The following RPTOR variants were observed in gnomAD, a reference collection of about 807,000 sequenced individuals.
RPTOR encodes regulatory associated protein of MTOR complex 1, also known as regulatory-associated protein of mTOR.
In RPTOR, 21 loss-of-function variants were observed where a neutral mutation model predicts 169.9. The ratio of observed to expected loss-of-function variants is 0.12; its 90% CI spans 0.09 to 0.18. The LOEUF is 0.18. RPTOR is among the 10% of genes least tolerant of loss of function. The probability of loss-of-function intolerance (pLI) is 1.00; values close to 1 mark genes in which losing one functional copy is unlikely to be tolerated. For missense variants in RPTOR, 1,133 were observed against 1,855.9 expected (o/e 0.61, Z 7.16); for synonymous variants, 732 against 753.2 (o/e 0.97, Z 0.46).
At chr17:80,917,155 C>A (rs11651049) in intron 21 of RPTOR, among the ~76,000 whole-genome samples, 48,431 of 150,050 alleles carry the variant, frequency 0.32, 7,989 homozygotes, top group East Asian at 0.45. Context: ...CTATGTCGCC[C>A]AGGCTGGAGT....
At chr17:80,665,427 C>T (rs1455613605) in intron 3 of RPTOR, among the ~76,000 whole-genome samples, 6 of 13,246 alleles carry the variant, frequency 4.5e-4, no homozygotes, top group Admixed American at 1.3e-3. Flanking sequence ...CCTTTCCTTT[C>T]CTTTCCTTTC....
At position 80,957,047 on chromosome 17, in the gene RPTOR, C is replaced by A. The variant is rs1003460028; in HGVS notation, c.3371-577C>A. 7.9e-5 allele frequency among the ~76,000 whole-genome samples: 12 copies of A among 152,260 alleles called. No homozygotes were observed. Among genetic ancestry groups the A allele is most frequent in the African/African-American group, 2.9e-4 (12 of 41,472 alleles). On this transcript the variant is annotated intron_variant, in intron 28 of 33. Transcript: ENST00000306801. This position sits in a 1 kb window ranked among gnomAD's most constrained non-coding sequence, Gnocchi z 4.6. ...TTCCAGCTCAGAATTGTCGCCCCAG[C>A]CTGGACTTGGGAGTTCCAGCTCAGA...
intron 6 of RPTOR, chr17:80,774,459 A>G (rs1369073442): frequency 1.5e-6 from 1 of 668,344 alleles, no homozygotes; most frequent in Non-Finnish European, 1.9e-6. Flanking sequence ...TCACTGTGTT[A>G]CTGATGAGGT....
rs577825093 is a variant in RPTOR at position 80,633,128 on chromosome 17, A to G, written c.265+7335A>G. The stretch of plus-strand genomic sequence containing the variant: ...TTCATTTTGAAAAAAAAGTTCCAAA[A>G]GTTGCAAGTATAGTACTAAGCTGTT... On this transcript the variant is annotated intron_variant, in intron 2 of 33. Transcript: ENST00000306801. The surrounding 1 kb of genome is among the most constrained non-coding windows in gnomAD (Gnocchi z 4.1). 1.8e-4 allele frequency among the ~76,000 whole-genome samples: 27 copies of G among 152,314 alleles called. No individual in the cohort carries two copies. Among genetic ancestry groups the G allele is most frequent in the Admixed American group, 4.6e-4 (7 of 15,306 alleles).
chr17:80,843,692 A>T (rs2067695725), intron 10 of RPTOR, among the ~76,000 whole-genome samples: 1 of 152,104 alleles, frequency 6.6e-6, no homozygotes, highest in South Asian at 2.1e-4. Flanking sequence ...TAAGTGGCAA[A>T]TGTATTGTGC....
At chr17:80,955,083 A>C (rs1345502782) in intron 28 of RPTOR, among the ~76,000 whole-genome samples, 1 of 152,250 alleles carries the variant, frequency 6.6e-6, no homozygotes, top group African/African-American at 2.4e-5. Context: ...ATAGCCATGG[A>C]TGAAAAGACT....
At chr17:80,838,665 C>T (rs562666661) in intron 10 of RPTOR, among the ~76,000 whole-genome samples, 6 of 152,316 alleles carry the variant, frequency 3.9e-5, no homozygotes, top group South Asian at 2.1e-4. Flanking sequence ...AGGGAGCAAT[C>T]GGCAAGAGGG....
rs1471453502 is a variant in RPTOR, at chr17:80,883,503, C to G, written c.1650+19C>G. 1 of 1,612,388 alleles carries G rather than the reference C, an allele frequency of 6.2e-7. No individual in the cohort carries two copies. The highest frequency in any genetic ancestry group is 1.7e-5 in the Admixed American group (1 of 60,026). ...GGGGCAGGTGAGCCCCCCAGCCACC[C>G]CCAGCCCCAGAGCTCACCCTTGGCA... On this transcript the variant is annotated intron_variant, in intron 15 of 33. Transcript: ENST00000306801.
At chr17:80,709,101 C>T (rs530839878) in intron 4 of RPTOR, 36 of 985,476 alleles carry the variant, frequency 3.7e-5, no homozygotes, top group Admixed American at 1.2e-4. Flanking sequence ...TAGCCAGCCT[C>T]GGAAGTTAGA....
chr17:80,846,133 C>A (rs888121161), intron 10 of RPTOR, among the ~76,000 whole-genome samples: 12 of 152,266 alleles, frequency 7.9e-5, no homozygotes, highest in African/African-American at 2.9e-4. Flanking sequence ...CCCCCGGCAT[C>A]TTCACTCCCT....
chr17:80,615,321 C>T (rs772519561), intron 1 of RPTOR, among the ~76,000 whole-genome samples: 13 of 152,036 alleles, frequency 8.6e-5, no homozygotes, highest in Admixed American at 5.2e-4. Context: ...ACGGGGGCCT[C>T]GAGTCTCAGG....
intron 1 of RPTOR, among the ~76,000 whole-genome samples, chr17:80,585,493 C>G (rs979541915): frequency 6.6e-6 from 1 of 150,570 alleles, no homozygotes. Context: ...CGTGAGCCAC[C>G]GCGGCTGGCC....
At chr17:80,594,080 CTTCTCTT>C (rs1295433325) in intron 1 of RPTOR, among the ~76,000 whole-genome samples, 3 of 151,530 alleles carry the variant, frequency 2.0e-5, no homozygotes, top group South Asian at 2.1e-4. Flanking sequence ...TTTCTCTTCT[CTTCTCTT>C]TTCTCTTTTC....
At chr17:80,796,545 G>A (rs988357935) in intron 7 of RPTOR, among the ~76,000 whole-genome samples, 81 of 152,256 alleles carry the variant, frequency 5.3e-4, no homozygotes, top group African/African-American at 1.8e-3. Context: ...TCACTATCAC[G>A]AGAACAGCCA....
rs139427073 is a variant in RPTOR, at chr17:80,692,992, C to T, written c.349-14849C>T. Among the ~76,000 whole-genome samples the T allele has an allele frequency of 4.2e-4, 64 of 152,316 alleles. 1 individual carries two copies. In the East Asian group the frequency reaches 0.012, roughly 29 times the overall value. On this transcript the variant is annotated intron_variant, in intron 3 of 33. Transcript: ENST00000306801. ...AACCTTGGGTACATTTATATACGCA[C>T]ACACGCACACAGTGTTTTCTCTTTA... is the stretch of plus-strand genomic sequence containing the variant.
intron 6 of RPTOR, among the ~76,000 whole-genome samples, chr17:80,764,332 G>A (rs1214716423): frequency 8.3e-6 from 1 of 120,356 alleles, no homozygotes; most frequent in Non-Finnish European, 1.6e-5. Context: ...CCCACAACAG[G>A]CCCAGAGTGT....
At chr17:80,926,095 G>A (rs2068808568) in intron 24 of RPTOR, among the ~76,000 whole-genome samples, 5 of 152,214 alleles carry the variant, frequency 3.3e-5, no homozygotes, top group Admixed American at 3.3e-4. Flanking sequence ...TGCATTCTGA[G>A]CAAACCTGCC....
At chr17:80,886,272 G>C (rs184793775) in intron 17 of RPTOR, among the ~76,000 whole-genome samples, 86 of 152,376 alleles carry the variant, frequency 5.6e-4, no homozygotes, top group African/African-American at 1.9e-3. Context: ...AGTGTGGAAA[G>C]TCACGTTCTA....
intron 3 of RPTOR, among the ~76,000 whole-genome samples, chr17:80,682,599 GA>G (rs1389278648): frequency 6.6e-6 from 1 of 152,260 alleles, no homozygotes; most frequent in Non-Finnish European, 1.5e-5. Flanking sequence ...ACGGCCACCA[GA>G]AACTGGAAGA....
Sources: gnomAD v4.1 joint callset for allele counts (sites outside exome capture counted in the v4.1 genomes callset) on GRCh38, gnomAD v4.1.1 for gene constraint, Gnocchi (gnomAD v3.1) non-coding constraint, MANE v1.5 for transcripts, NCBI Gene and HGNC (gene_info 2026-07-23, HGNC 2026-07-21) for gene names.